E2F7: variants seen among roughly 807,000 people sequenced by gnomAD.
E2F7 encodes the protein transcription factor E2F7.
E2F7 carries 35 observed loss-of-function variants against 81.1 expected under a neutral mutation model. The observed-to-expected ratio is 0.43, with a 90% CI of 0.33 to 0.57. The LOEUF (loss-of-function observed/expected upper bound fraction) is 0.57, where lower values mean the gene tolerates loss of function less well. Ranked by LOEUF, E2F7 falls within the 20% of genes least tolerant of loss-of-function variation. The probability of loss-of-function intolerance (pLI) is 0.04; values close to 1 mark genes in which losing one functional copy is unlikely to be tolerated. For missense variants in E2F7, 961 were observed against 1,093.7 expected, an observed-to-expected ratio of 0.88 and a Z score of 1.71; for synonymous variants, 416 against 416.2, an observed-to-expected ratio of 1.00 and a Z score of 0.01.
chr12:77,063,365 G>A (rs1955093249), intron 2 of E2F7, among the ~76,000 whole-genome samples: 1 of 152,152 alleles, frequency 6.6e-6, no homozygotes, highest in African/African-American at 2.4e-5. Context: ...TCCTATCTGT[G>A]AAATTGTAAA....
At chr12:77,040,278 T>C (rs1255861578) in intron 7 of E2F7, among the ~76,000 whole-genome samples, 1 of 152,166 alleles carries the variant, frequency 6.6e-6, no homozygotes, top group African/African-American at 2.4e-5. Flanking sequence ...ATATTCTCCA[T>C]AAGGCACAAT....
In E2F7 at chr12:77,060,548, C is replaced by T. The variant is rs947864598; in HGVS notation, c.93+3995G>A. Among the ~76,000 whole-genome samples, 13 of 152,054 alleles carry T rather than the reference C, an allele frequency of 8.5e-5. No individual in the cohort carries two copies. The East Asian group carries it at 2.1e-3, about 25-fold the overall frequency. ...TATATTAGCTCTGGGCCATATTTAG[C>T]CAACTTCTTTTTCAGTTCCCTCTCA... On this transcript the variant is annotated intron_variant, in intron 2 of 12. Coordinates refer to ENST00000322886, the MANE Select transcript of E2F7 (RefSeq NM_203394.3).
intron 10 of E2F7, 145 bp downstream of exon 10, chr12:77,029,686 G>T: frequency 1.5e-6 from 2 of 1,328,234 alleles, no homozygotes; most frequent in Non-Finnish European, 2.0e-6. Context: ...TTTTGGCAGA[G>T]CCACTCCAGT....
At position 77,050,753 on chromosome 12, in the gene E2F7, G is replaced by C. The variant is rs763839928; in HGVS notation, c.370-9C>G. 1 of 1,609,764 alleles carries C rather than the reference G, an allele frequency of 6.2e-7. No individual in the cohort carries two copies. The highest frequency in any genetic ancestry group is 8.5e-7 in the Non-Finnish European group (1 of 1,177,384). ...TCCCCAACAACATCAAGCTACAGAG[G>C]GCAGATAGAAGGGAGGGGGAAGATG... On this transcript the variant is annotated splice_polypyrimidine_tract_variant and intron_variant, in intron 3 of 12. Transcript: ENST00000322886.
rs961238741 is a variant in E2F7, at chr12:77,028,161, G to T, written c.1885-23C>A. The T allele has an allele frequency of 6.9e-6, 11 of 1,586,232 alleles. No homozygotes were observed. The African/African-American group carries it at 1.5e-4, about 22-fold the overall frequency. On this transcript the variant is annotated intron_variant, in intron 10 of 12. Transcript: ENST00000322886. Reference sequence around the variant, plus strand: ...TTTCTAAACACAACCAAACCAGGAAGCAAGAAAGTAAGTTAAAATTCCAGT... The same window carrying T: ...TTTCTAAACACAACCAAACCAGGAATCAAGAAAGTAAGTTAAAATTCCAGT...
In E2F7 at chr12:77,046,109, C is replaced by T. The variant is rs1460007357; in HGVS notation, c.758G>A (p.Arg253His). The change falls in exon 5 of 13, where the codon CGT (arginine) becomes CAT (histidine). Residue 253 changes from arginine (R) to histidine (H), a missense_variant. Around this residue, in one of 3 missense-constraint regions of E2F7, gnomAD observed 301 missense variants for 405.0 expected, o/e 0.74. Transcript: ENST00000322886. ...GGAATCTGGATCACCATCTTTTTTA[C>T]GTTCTCCAAATTTATAATCTATCAG... ...LDLIDYKFGE[R>H]KKDGDPDSQE... 9.3e-6 allele frequency: 15 copies of T among 1,614,038 alleles called. No individual in the cohort carries two copies. The highest frequency in any genetic ancestry group is 4.0e-5 in the African/African-American group (3 of 74,928).
At position 77,023,911 on chromosome 12, in the gene E2F7, A is replaced by C. The variant is rs1954734759; in HGVS notation, c.*104T>G. 1 of 1,351,980 alleles carries C rather than the reference A, an allele frequency of 7.4e-7. No individual in the cohort carries two copies. Among genetic ancestry groups the C allele is most frequent in the Non-Finnish European group, 1.0e-6 (1 of 989,346 alleles). The allele number at this position is 1,351,980 out of a possible 1,614,324, so 83.7% of individuals were successfully genotyped here. A position where few individuals can be genotyped will look rare whatever the true frequency, so the allele number is the denominator to read the frequency against. On this transcript the variant is annotated 3_prime_UTR_variant, in exon 13 of 13. Transcript: ENST00000322886. ...AAGTTAACAGAAGTGTGGATGAAAG[A>C]GAGAGGAAGGACCCGTGCTCAGGAC...
intron 7 of E2F7, among the ~76,000 whole-genome samples, chr12:77,042,780 G>T (rs1954904026): frequency 6.6e-6 from 1 of 152,116 alleles, no homozygotes; most frequent in Non-Finnish European, 1.5e-5. Context: ...TTAATTCTCG[G>T]TCCCAAACTT....
chr12:77,042,919 T>C, intron 7 of E2F7, 146 bp downstream of exon 7: 1 of 1,274,152 alleles, frequency 7.8e-7, no homozygotes, highest in African/African-American at 1.5e-5. Context: ...AGGCTAATGT[T>C]AACTGTTCCA....
intron 2 of E2F7, 112 bp downstream of exon 2, chr12:77,064,431 A>C (rs959981983): frequency 1.2e-6 from 1 of 835,536 alleles, no homozygotes; most frequent in African/African-American, 1.7e-5. Flanking sequence ...ATGTTTATCA[A>C]TATTAATTAT....
chr12:77,064,587 G>A lies in E2F7; in HGVS notation c.49C>T (p.Pro17Ser). ...TCTTCAACTGCAAAATCTAGTCTGGGCTGCCTGGGGCTGATCAGGTCTTTT... is the reference window on the plus strand; with the variant it reads ...TCTTCAACTGCAAAATCTAGTCTGGACTGCCTGGGGCTGATCAGGTCTTTT... ...TLKDLISPRQPRLDFAVEDGE... is the reference protein window; with the variant it reads ...TLKDLISPRQSRLDFAVEDGE... Residue 17 changes from proline to serine, a missense_variant, in exon 2 of 13, where the codon CCC becomes TCC. By Grantham distance (74) the Pro-to-Ser change is moderately conservative. Around this residue, in one of 3 missense-constraint regions of E2F7, gnomAD observed 73 missense variants for 68.4 expected, o/e 1.07. Transcript: ENST00000322886. The A allele has an allele frequency of 6.2e-7, 1 of 1,614,046 alleles. No homozygotes were observed. The highest frequency in any genetic ancestry group is 8.5e-7 in the Non-Finnish European group (1 of 1,179,988).
intron 7 of E2F7, among the ~76,000 whole-genome samples, chr12:77,035,987 A>AGACACAGCAAG (rs1565899791): frequency 6.6e-6 from 1 of 151,268 alleles, no homozygotes; most frequent in Non-Finnish European, 1.5e-5. Context: ...ATATGAATAA[A>AGACACAGCAAG]TGAATAAATA....
chr12:77,033,052 T>C lies in E2F7; in HGVS notation c.1380A>G (p.Ser460=). 1 of 1,613,042 alleles carries C rather than the reference T, an allele frequency of 6.2e-7. No homozygotes were observed. Among genetic ancestry groups the C allele is most frequent in the Non-Finnish European group, 8.5e-7 (1 of 1,179,546 alleles). The change falls in exon 9 of 13, where the codon TCA becomes TCG. Residue 460 remains serine (S), a splice_region_variant and synonymous_variant. Transcript: ENST00000322886. The stretch of plus-strand genomic sequence containing the variant: ...CTGAGCTTTTATAGACTACTTACTG[T>C]GAATTGTCTTCTATTTTCTGTCTAT... ...AVYRQKIEDN[S]QGKAFASKRV... is the part of the protein sequence containing the mutation.
intron 6 of E2F7, among the ~76,000 whole-genome samples, chr12:77,043,982 C>T (rs559740952): frequency 6.6e-6 from 1 of 152,160 alleles, no homozygotes; most frequent in African/African-American, 2.4e-5. Flanking sequence ...AAGCATTCAC[C>T]CTGGATGCAG....
intron 7 of E2F7, among the ~76,000 whole-genome samples, chr12:77,034,324 A>G (rs1954831343): frequency 6.6e-6 from 1 of 152,198 alleles, no homozygotes; most frequent in African/African-American, 2.4e-5. Context: ...GATGTTCTTC[A>G]ACCCGAATTA....
chr12:77,056,124 T>C lies in E2F7; in HGVS notation c.100A>G (p.Ile34Val). The C allele has an allele frequency of 1.9e-6, 3 of 1,588,642 alleles. No homozygotes were observed. In the South Asian group the frequency reaches 3.5e-5, roughly 19 times the overall value. ...EDGENAQKENIFVDRSRMAPK... is the reference protein window; with the variant it reads ...EDGENAQKENVFVDRSRMAPK... ...GCCATCCTTGATCGATCAACAAATA[T>C]ATTTTCCTATTTTAAAAAAGAAACT... Residue 34 changes from isoleucine to valine, a missense_variant, in exon 3 of 13, where the codon ATA becomes GTA. Ile to Val is a conservative substitution (Grantham distance 29, BLOSUM62 3). Coordinates refer to ENST00000322886, the MANE Select transcript of E2F7 (RefSeq NM_203394.3).
At chr12:77,036,772 C>T (rs1481293358) in intron 7 of E2F7, among the ~76,000 whole-genome samples, 3 of 150,160 alleles carry the variant, frequency 2.0e-5, no homozygotes, top group African/African-American at 7.3e-5. Context: ...GACAGAGTCT[C>T]GCTCTGTCGC....
intron 7 of E2F7, among the ~76,000 whole-genome samples, chr12:77,042,665 C>G (rs1471440568): frequency 6.6e-6 from 1 of 152,130 alleles, no homozygotes; most frequent in Non-Finnish European, 1.5e-5. Flanking sequence ...GTGATTTTTA[C>G]TCATAATTTT....
In E2F7 at chr12:77,023,818, G is replaced by A; in HGVS notation, c.*197C>T. ...TTTCACTGTGACACCATGCAGAGTC[G>A]GAACTCTAACTGGTATTAAATGCAC... On this transcript the variant is annotated 3_prime_UTR_variant, in exon 13 of 13. Coordinates refer to ENST00000322886, the MANE Select transcript of E2F7 (RefSeq NM_203394.3). 1 of 622,540 alleles carries A rather than the reference G, an allele frequency of 1.6e-6. No homozygotes were observed. Among genetic ancestry groups the A allele is most frequent in the South Asian group, 2.5e-5 (1 of 39,510 alleles). 38.6% of individuals were successfully genotyped at this position (622,540 alleles called of 1,614,324 possible). A position where few individuals can be genotyped will look rare whatever the true frequency, so the allele number is the denominator to read the frequency against.
Sources: gnomAD v4.1 joint callset for allele counts (sites outside exome capture counted in the v4.1 genomes callset) on GRCh38, gnomAD v4.1.1 for gene constraint, gnomAD v4.1.1 regional missense constraint, MANE v1.5 for transcripts, NCBI Gene and HGNC (gene_info 2026-07-23, HGNC 2026-07-21) for gene names.